The following NTM variants were observed in gnomAD, a reference collection of about 807,000 sequenced individuals.
NTM encodes neurotrimin, also known as IgLON family member 2.
A neutral mutation model predicts 42.1 loss-of-function variants in NTM; 13 were observed. The ratio of observed to expected loss-of-function variants is 0.31; its 90% confidence interval spans 0.20 to 0.49. NTM has a LOEUF of 0.49. Ranked by LOEUF, NTM falls within the 20% of genes least tolerant of loss-of-function variation. The pLI is 0.99. For missense variants in NTM, 373 were observed against 452.8 expected, an observed-to-expected ratio of 0.82 and a Z score of 1.60; for synonymous variants, 187 against 179.2, an observed-to-expected ratio of 1.04 and a Z score of -0.35.
rs1952827793 is a variant in NTM at position 131,475,431 on chromosome 11, G to A, written c.82+104543G>A. The stretch of plus-strand genomic sequence containing the variant: ...ACACATGAGAAGGGGGCCATGACAG[G>A]TACAGAGGGTGTACCTGTCCCTCTC... On this transcript the variant is annotated intron_variant, in intron 1 of 8. Coordinates refer to ENST00000683400, the MANE Select transcript of NTM (RefSeq NM_001352005.2). 2.0e-5 allele frequency among the ~76,000 whole-genome samples: 3 copies of A among 152,038 alleles called. No homozygotes were observed. The South Asian group carries it at 6.2e-4, about 31-fold the overall frequency.
intron 1 of NTM, among the ~76,000 whole-genome samples, chr11:131,670,359 C>G (rs1214574215): frequency 6.6e-6 from 1 of 151,758 alleles, no homozygotes; most frequent in African/African-American, 2.4e-5. Flanking sequence ...CTCTCTCTTA[C>G]TTTCTTCCTT....
intron 1 of NTM, among the ~76,000 whole-genome samples, chr11:131,446,691 A>G (rs903819621): frequency 2.0e-5 from 3 of 152,200 alleles, no homozygotes; most frequent in African/African-American, 4.8e-5. Context: ...TTCTTCTCTG[A>G]CTCAAGGTTT....
At chr11:132,314,484 C>T (rs1364619215) in intron 6 of NTM, 68 bp from the exon 7 acceptor site, 19 of 1,512,728 alleles carry the variant, frequency 1.3e-5, no homozygotes, top group Non-Finnish European at 1.6e-5. Context: ...AATCCCTGGG[C>T]CTATCTTCTT....
chr11:131,370,774 C>G lies in NTM; in HGVS notation c.-33C>G, dbSNP rs1378995720. On this transcript the variant is annotated 5_prime_UTR_variant, in exon 1 of 9. Transcript: ENST00000683400. The stretch of plus-strand genomic sequence containing the variant: ...AAAGAAAGAAAAAAACCGAACCTGA[C>G]AAAAAAGAAGAAAAAGAAGAAGAAA... 1 of 1,584,996 alleles carries G rather than the reference C, an allele frequency of 6.3e-7. No individual in the cohort carries two copies. Among genetic ancestry groups the G allele is most frequent in the African/African-American group, 1.4e-5 (1 of 73,498 alleles).
At chr11:132,179,142 C>T (rs2077200100) in intron 3 of NTM, among the ~76,000 whole-genome samples, 1 of 152,136 alleles carries the variant, frequency 6.6e-6, no homozygotes, top group Admixed American at 6.5e-5. Flanking sequence ...AAATATAACA[C>T]AATGAACTGC....
intron 1 of NTM, among the ~76,000 whole-genome samples, chr11:131,598,916 C>CTTCCTTCCTTCCTTCCTTCT (rs1565687265): frequency 7.7e-6 from 1 of 130,006 alleles, no homozygotes; most frequent in African/African-American, 3.5e-5. Flanking sequence ...TCCTTCCTTC[C>CTTCCTTCCTTCCTTCCTTCT]TTCCTTCTTT....
intron 1 of NTM, among the ~76,000 whole-genome samples, chr11:131,880,354 A>G (rs550887927): frequency 2.6e-5 from 4 of 152,328 alleles, no homozygotes; most frequent in African/African-American, 9.6e-5. Flanking sequence ...TATAGGCTAG[A>G]GAAGGAGAGG....
At chr11:131,748,460 T>C (rs1326660015) in intron 1 of NTM, among the ~76,000 whole-genome samples, 7 of 152,238 alleles carry the variant, frequency 4.6e-5, no homozygotes, top group South Asian at 2.1e-4. Flanking sequence ...TCTATTTATA[T>C]GTGAAAATTC....
intron 4 of NTM, 85 bp downstream of exon 4, chr11:132,212,232 C>T (rs1372830772): frequency 6.3e-6 from 7 of 1,115,838 alleles, no homozygotes; most frequent in Non-Finnish European, 9.2e-6. Context: ...GTGCTGATAC[C>T]TACTCCAGAG....
intron 1 of NTM, among the ~76,000 whole-genome samples, chr11:131,645,849 T>A (rs540079833): frequency 1.3e-5 from 2 of 152,282 alleles, no homozygotes; most frequent in East Asian, 3.9e-4. Flanking sequence ...CAGCTAATGT[T>A]GGGGTTGAAT....
At chr11:132,307,891 A>G in intron 5 of NTM, 68 bp downstream of exon 5, 1 of 1,503,856 alleles carries the variant, frequency 6.6e-7, no homozygotes, top group Non-Finnish European at 9.1e-7. Context: ...GCCACCACCC[A>G]GAGCCCATTG....
At chr11:132,055,905 C>T (rs1383641323) in intron 2 of NTM, among the ~76,000 whole-genome samples, 1 of 152,332 alleles carries the variant, frequency 6.6e-6, no homozygotes, top group Non-Finnish European at 1.5e-5. Context: ...CTGTTTTAAG[C>T]ATCTAGCACA....
chr11:131,739,696 C>T (rs1417544327), intron 1 of NTM, among the ~76,000 whole-genome samples: 2 of 152,196 alleles, frequency 1.3e-5, no homozygotes, highest in East Asian at 3.8e-4. Context: ...TGCTGTATCA[C>T]ATAAGGACTC....
chr11:132,238,482 C>T (rs1193505524), intron 4 of NTM, among the ~76,000 whole-genome samples: 2 of 152,172 alleles, frequency 1.3e-5, no homozygotes, highest in Admixed American at 6.5e-5. Flanking sequence ...TGGCTTTTCT[C>T]TTCTGTTTGG....
chr11:131,765,181 C>T (rs1343975453), intron 1 of NTM, among the ~76,000 whole-genome samples: 1 of 152,242 alleles, frequency 6.6e-6, no homozygotes, highest in Non-Finnish European at 1.5e-5. Flanking sequence ...CCAATCCATT[C>T]TCCACAGAGC....
At chr11:131,685,677 A>T (rs1256072474) in intron 1 of NTM, among the ~76,000 whole-genome samples, 1 of 151,852 alleles carries the variant, frequency 6.6e-6, no homozygotes, top group African/African-American at 2.4e-5. Flanking sequence ...CTCTCTCCTT[A>T]CCTTTTTTTA....
chr11:132,048,729 C>T (rs925975605), intron 2 of NTM, among the ~76,000 whole-genome samples: 1 of 152,108 alleles, frequency 6.6e-6, no homozygotes, highest in Non-Finnish European at 1.5e-5. Flanking sequence ...CAGACAGACA[C>T]CCCCAACCAA....
chr11:132,072,444 T>C lies in NTM; in HGVS notation c.168-73838T>C, dbSNP rs2057809581. On this transcript the variant is annotated intron_variant, in intron 2 of 8. Transcript: ENST00000683400. ...TGTGCAACTGATTTGTTGCTTTTGG[T>C]ATTTCTGTTGGTGAGTAATTAACTA... Among the ~76,000 whole-genome samples, 4 of 152,174 alleles carry C rather than the reference T, an allele frequency of 2.6e-5. No homozygotes were observed. The South Asian group carries it at 8.3e-4, about 32-fold the overall frequency.
At chr11:131,598,875 T>TCTTC (rs869056003) in intron 1 of NTM, among the ~76,000 whole-genome samples, 3,355 of 34,956 alleles carry the variant, frequency 0.096, 826 homozygotes, top group East Asian at 0.18. Flanking sequence ...CTTCCTTCCT[T>TCTTC]CTTCCTTCCT....
Sources: gnomAD v4.1 joint callset for allele counts (sites outside exome capture counted in the v4.1 genomes callset) on GRCh38, gnomAD v4.1.1 for gene constraint, MANE v1.5 for transcripts, NCBI Gene and HGNC (gene_info 2026-07-23, HGNC 2026-07-21) for gene names.